PRKG1: variants seen among roughly 807,000 people sequenced by gnomAD.
The protein encoded by PRKG1 is protein kinase cGMP-dependent 1, also known as cGMP-dependent protein kinase 1.
Under a neutral mutation model 88.1 loss-of-function variants are expected in PRKG1, and 35 were observed. That is an observed-to-expected ratio of 0.40 (90% CI 0.30 to 0.53). PRKG1 has a LOEUF of 0.53. PRKG1 is among the 20% of genes least tolerant of loss of function. The pLI is 0.59. For missense variants in PRKG1, 540 were observed against 839.8 expected, an observed-to-expected ratio of 0.64 and a Z score of 4.41; for synonymous variants, 303 against 292.5, an observed-to-expected ratio of 1.04 and a Z score of -0.37.
intron 2 of PRKG1, among the ~76,000 whole-genome samples, chr10:51,235,909 G>C (rs1838975630): frequency 6.6e-6 from 1 of 152,094 alleles, no homozygotes; most frequent in African/African-American, 2.4e-5. Flanking sequence ...AAATTTGCAA[G>C]ATTTCTTTCT....
At chr10:51,771,182 C>A (rs548222213) in intron 3 of PRKG1, among the ~76,000 whole-genome samples, 2 of 152,024 alleles carry the variant, frequency 1.3e-5, no homozygotes, top group African/African-American at 4.8e-5. Flanking sequence ...GTTGCAACAA[C>A]CTAATCAATG....
intron 2 of PRKG1, among the ~76,000 whole-genome samples, chr10:51,242,005 A>G (rs569975207): frequency 6.6e-6 from 1 of 152,260 alleles, no homozygotes; most frequent in Non-Finnish European, 1.5e-5. Context: ...GAATAATGTA[A>G]CAGTCTGGCT....
chr10:51,430,042 G>A (rs1203709608), intron 2 of PRKG1, among the ~76,000 whole-genome samples: 1 of 151,320 alleles, frequency 6.6e-6, no homozygotes, highest in Non-Finnish European at 1.5e-5. Flanking sequence ...GAGTGGAATA[G>A]ACAGAAAGTC....
intron 2 of PRKG1, among the ~76,000 whole-genome samples, chr10:51,316,856 A>G (rs767792527): frequency 6.6e-6 from 1 of 152,194 alleles, no homozygotes; most frequent in Non-Finnish European, 1.5e-5. Flanking sequence ...AACTCATGAC[A>G]TGGCTTTTTT....
intron 9 of PRKG1, among the ~76,000 whole-genome samples, chr10:52,199,481 G>C (rs1052008522): frequency 1.3e-5 from 2 of 152,096 alleles, no homozygotes; most frequent in Non-Finnish European, 2.9e-5. Flanking sequence ...CATTACCCAT[G>C]GAATAACTGT....
intron 5 of PRKG1, among the ~76,000 whole-genome samples, chr10:51,943,907 A>G (rs1226700567): frequency 6.6e-6 from 1 of 151,952 alleles, no homozygotes; most frequent in African/African-American, 2.4e-5. Flanking sequence ...ATATTGGTCT[A>G]AAATTCTCTT....
chr10:51,585,514 A>G (rs1838150733), intron 3 of PRKG1, among the ~76,000 whole-genome samples: 1 of 152,146 alleles, frequency 6.6e-6, no homozygotes, highest in Non-Finnish European at 1.5e-5. Context: ...AACTTTTATA[A>G]TATGTTTATA....
intron 3 of PRKG1, among the ~76,000 whole-genome samples, chr10:51,747,967 C>A (rs1397326949): frequency 6.6e-6 from 1 of 152,134 alleles, no homozygotes; most frequent in Admixed American, 6.5e-5. Flanking sequence ...AAACTTGAGG[C>A]CAAGTGAGGC....
At chr10:52,218,456 G>A (rs918760077) in intron 9 of PRKG1, among the ~76,000 whole-genome samples, 2 of 151,816 alleles carry the variant, frequency 1.3e-5, no homozygotes, top group East Asian at 1.9e-4. Flanking sequence ...TAGGCTTCTG[G>A]TTAAAAAAGA....
intron 3 of PRKG1, among the ~76,000 whole-genome samples, chr10:51,796,362 A>G (rs1839010772): frequency 6.6e-6 from 1 of 152,124 alleles, no homozygotes; most frequent in Admixed American, 6.6e-5. Context: ...TACCAAAAAT[A>G]TTATTATTTT....
intron 1 of PRKG1, among the ~76,000 whole-genome samples, chr10:50,998,959 C>T (rs1177673142): frequency 6.6e-6 from 1 of 152,166 alleles, no homozygotes; most frequent in African/African-American, 2.4e-5. Flanking sequence ...CTGCACTGCT[C>T]ACTAAACATT....
chr10:51,959,863 A>G (rs539877068), intron 5 of PRKG1, among the ~76,000 whole-genome samples: 96 of 152,276 alleles, frequency 6.3e-4, no homozygotes, highest in African/African-American at 2.2e-3. Flanking sequence ...AATTCATTTC[A>G]TATTTCCCTG....
intron 14 of PRKG1, 140 bp from the exon 15 acceptor site, chr10:52,288,586 A>G: frequency 1.0e-6 from 1 of 971,652 alleles, no homozygotes; most frequent in Non-Finnish European, 1.5e-6. Context: ...TTTTGCTATT[A>G]ATCTATTTTC....
At chr10:51,772,311 C>A (rs1838324289) in intron 3 of PRKG1, among the ~76,000 whole-genome samples, 1 of 151,974 alleles carries the variant, frequency 6.6e-6, no homozygotes, top group African/African-American at 2.4e-5. Context: ...GGTATGTATT[C>A]AGGGAGATTC....
chr10:51,276,702 T>G (rs528844967), intron 2 of PRKG1, among the ~76,000 whole-genome samples: 1 of 152,332 alleles, frequency 6.6e-6, no homozygotes, highest in South Asian at 2.1e-4. Context: ...GATTTGCATT[T>G]CTCTGATGAC....
chr10:52,073,530 T>C (rs1390094427), intron 7 of PRKG1, among the ~76,000 whole-genome samples: 1 of 152,192 alleles, frequency 6.6e-6, no homozygotes, highest in Non-Finnish European at 1.5e-5. Context: ...ATCATCCCCA[T>C]GATTTATTTC....
intron 3 of PRKG1, among the ~76,000 whole-genome samples, chr10:51,666,358 A>G (rs1840422863): frequency 6.6e-6 from 1 of 152,344 alleles, no homozygotes; most frequent in Non-Finnish European, 1.5e-5. Context: ...GCAAACTTAC[A>G]TAAGGAGCAG....
At chr10:51,399,559 A>G (rs914357163) in intron 2 of PRKG1, among the ~76,000 whole-genome samples, 3 of 152,316 alleles carry the variant, frequency 2.0e-5, no homozygotes, top group South Asian at 2.1e-4. Context: ...TGCCTTATAA[A>G]TATTAATGAG....
chr10:51,969,379 G>A (rs796601304), intron 5 of PRKG1, among the ~76,000 whole-genome samples: 5 of 152,214 alleles, frequency 3.3e-5, no homozygotes, highest in African/African-American at 1.2e-4. Context: ...ACCCATCAGA[G>A]TACAGATAAA....
Sources: allele counts gnomAD v4.1 joint callset (sites outside exome capture counted in the v4.1 genomes callset), GRCh38; gene constraint gnomAD v4.1.1; transcripts MANE v1.5; gene names NCBI Gene and HGNC (gene_info 2026-07-23, HGNC 2026-07-21).